UBE2F: variants seen among roughly 807,000 people sequenced by gnomAD.
UBE2F encodes the protein ubiquitin conjugating enzyme E2 F (putative).
Under a neutral mutation model 29.6 loss-of-function variants are expected in UBE2F, and 5 were observed. That is an observed-to-expected ratio of 0.17 (90% CI 0.09 to 0.36). The LOEUF (loss-of-function observed/expected upper bound fraction) is 0.36. Among genes scored for constraint, UBE2F ranks in the 10% least tolerant of loss-of-function variants. The pLI is 1.00. For synonymous variants in UBE2F, 66 were observed against 81.8 expected (o/e 0.81, Z 1.04); for missense variants, 141 against 228.5 (o/e 0.62, Z 2.47).
Position 237,967,022 on chromosome 2 carries a change from T to C in UBE2F, c.-127T>C. The C allele has an allele frequency of 7.9e-7, 1 of 1,266,534 alleles. No individual in the cohort carries two copies. Among genetic ancestry groups the C allele is most frequent in the Non-Finnish European group, 1.0e-6 (1 of 999,670 alleles). The allele number at this position is 1,266,534 out of a possible 1,614,324, so 78.5% of individuals were successfully genotyped here. A position where few individuals can be genotyped will look rare whatever the true frequency, so the allele number is the denominator to read the frequency against. On this transcript the variant is annotated 5_prime_UTR_variant, in exon 1 of 10. Transcript: ENST00000272930. The surrounding 1 kb of genome is among the most constrained non-coding windows in gnomAD (Gnocchi z 6.3). The stretch of plus-strand genomic sequence containing the variant: ...CGAGTCCCCGCCCCGCCACTTCCGG[T>C]CCCGCCGCCGGGAGCCGGTGCGGCT...
At chr2:238,041,223 G>A (rs2064831827) in intron 9 of UBE2F, 65 bp from the exon 10 acceptor site, 13 of 1,470,576 alleles carry the variant, frequency 8.8e-6, no homozygotes, top group Admixed American at 1.7e-5. Flanking sequence ...TCCCTGAAGC[G>A]CTGCTTCACT....
At chr2:238,021,207 G>GA (rs1214286058) in intron 5 of UBE2F, among the ~76,000 whole-genome samples, 1 of 152,178 alleles carries the variant, frequency 6.6e-6, no homozygotes, top group African/African-American at 2.4e-5. Flanking sequence ...CAGATAACAT[G>GA]ACCATGGCCA....
chr2:238,033,324 G>C (rs909161242), intron 8 of UBE2F, among the ~76,000 whole-genome samples: 1 of 152,182 alleles, frequency 6.6e-6, no homozygotes, highest in Non-Finnish European at 1.5e-5. Flanking sequence ...GATATTATAC[G>C]TTCCTTTGAA....
In UBE2F at chr2:237,967,178, C is replaced by G. The variant is rs1213383088; in HGVS notation, c.-17+46C>G. 2.6e-6 allele frequency: 3 copies of G among 1,138,886 alleles called. No individual in the cohort carries two copies. In the East Asian group the frequency reaches 1.3e-4, roughly 49 times the overall value. The allele number at this position is 1,138,886 out of a possible 1,614,324, so 70.5% of individuals were successfully genotyped here. A position where few individuals can be genotyped will look rare whatever the true frequency, so the allele number is the denominator to read the frequency against. ...TCTGCGGCGGGGCGAGGTGCGGCCG[C>G]CGGTGCACGGGCTGGCCTGCGGGCC... On this transcript the variant is annotated intron_variant, in intron 1 of 9. Coordinates refer to ENST00000272930, the MANE Select transcript of UBE2F (RefSeq NM_080678.3). This position sits in a 1 kb window ranked among gnomAD's most constrained non-coding sequence, Gnocchi z 6.3.
At chr2:237,992,446 C>T (rs543762402) in intron 3 of UBE2F, among the ~76,000 whole-genome samples, 1 of 152,324 alleles carries the variant, frequency 6.6e-6, no homozygotes, top group Admixed American at 6.5e-5. Flanking sequence ...AAGTCTTGAA[C>T]TCTTTGGCTC....
intron 4 of UBE2F, among the ~76,000 whole-genome samples, chr2:237,998,155 C>T (rs1181744483): frequency 2.0e-5 from 3 of 152,082 alleles, no homozygotes; most frequent in African/African-American, 7.2e-5. Context: ...ATCAGTTTTA[C>T]TGAGGTATAA....
At chr2:238,018,551 GTTCAGTGGGTTATTTAT>G (rs957361026) in intron 5 of UBE2F, among the ~76,000 whole-genome samples, 2 of 152,086 alleles carry the variant, frequency 1.3e-5, no homozygotes, top group African/African-American at 4.8e-5. Flanking sequence ...TCTTCTGATG[GTTCAGTGGGTTATTTAT>G]TTATTTATTT....
chr2:237,999,910 C>T (rs1444665434), intron 4 of UBE2F, among the ~76,000 whole-genome samples: 1 of 151,736 alleles, frequency 6.6e-6, no homozygotes, highest in Non-Finnish European at 1.5e-5. Context: ...CTGCAACCTC[C>T]ACCTCCCAGG....
chr2:238,007,363 C>G (rs538384221), intron 4 of UBE2F, among the ~76,000 whole-genome samples: 20 of 152,118 alleles, frequency 1.3e-4, no homozygotes, highest in Non-Finnish European at 2.6e-4. Flanking sequence ...CTCAGGTAAT[C>G]TGCCCACCTT....
intron 2 of UBE2F, chr2:237,986,218 C>T (rs760315411): frequency 2.2e-5 from 7 of 321,874 alleles, no homozygotes; most frequent in East Asian, 1.1e-4. Context: ...GGTGTGGTCC[C>T]GGCTTACTGC....
intron 4 of UBE2F, chr2:238,003,342 A>T (rs774417925): frequency 1.5e-5 from 7 of 470,730 alleles, no homozygotes; most frequent in Admixed American, 7.0e-5. Flanking sequence ...GAAAACATTG[A>T]CTGCTCTCTC....
In UBE2F at chr2:237,967,956, A is replaced by C. The variant is rs1271182273; in HGVS notation, c.-17+824A>C. Among the ~76,000 whole-genome samples, 6 of 152,154 alleles carry C rather than the reference A, an allele frequency of 3.9e-5. No individual in the cohort carries two copies. Among genetic ancestry groups the C allele is most frequent in the African/African-American group, 9.7e-5 (4 of 41,426 alleles). On this transcript the variant is annotated intron_variant, in intron 1 of 9. Transcript: ENST00000272930. The surrounding 1 kb of genome is among the most constrained non-coding windows in gnomAD (Gnocchi z 6.3). ...GGAAGTGGGGGCAGGATGGGTTGGA[A>C]TAGCCAGAGAAAGCTTCTTGGAGGA...
chr2:237,977,972 A>T (rs909119479), intron 2 of UBE2F, among the ~76,000 whole-genome samples: 2 of 151,988 alleles, frequency 1.3e-5, no homozygotes, highest in Non-Finnish European at 2.9e-5. Flanking sequence ...TTGGGACAAT[A>T]CCTGTGGGGT....
At chr2:238,010,124 A>G (rs1375058987) in intron 4 of UBE2F, among the ~76,000 whole-genome samples, 1 of 151,914 alleles carries the variant, frequency 6.6e-6, no homozygotes, top group Non-Finnish European at 1.5e-5. Flanking sequence ...TCATTTTTTT[A>G]TACTCTTCTG....
chr2:238,005,679 T>TA (rs1425158917), intron 4 of UBE2F, among the ~76,000 whole-genome samples: 2 of 152,116 alleles, frequency 1.3e-5, no homozygotes, highest in Non-Finnish European at 2.9e-5. Context: ...CCCATTGACT[T>TA]ACCTTGGCAC....
intron 4 of UBE2F, among the ~76,000 whole-genome samples, chr2:238,002,468 C>T (rs184745135): frequency 1.3e-5 from 2 of 151,978 alleles, no homozygotes; most frequent in African/African-American, 4.8e-5. Context: ...ACCTCCTGAC[C>T]TCTGGTGATC....
chr2:238,037,910 G>A (rs2064753596), intron 9 of UBE2F, among the ~76,000 whole-genome samples: 1 of 152,318 alleles, frequency 6.6e-6, no homozygotes, highest in East Asian at 1.9e-4. Context: ...TTTGAACACA[G>A]TTCTAAAACC....
intron 1 of UBE2F, among the ~76,000 whole-genome samples, chr2:237,970,174 G>T (rs547005238): frequency 6.6e-6 from 1 of 152,094 alleles, no homozygotes; most frequent in Non-Finnish European, 1.5e-5. Flanking sequence ...AGACCAGCCC[G>T]GGTAACATGG....
intron 4 of UBE2F, among the ~76,000 whole-genome samples, chr2:238,005,943 A>G (rs1276181790): frequency 6.6e-6 from 1 of 152,206 alleles, no homozygotes; most frequent in Non-Finnish European, 1.5e-5. Context: ...AAATTCGGCA[A>G]AAAACTTGCT....
Sources: gnomAD v4.1 joint callset for allele counts (sites outside exome capture counted in the v4.1 genomes callset) on GRCh38, gnomAD v4.1.1 for gene constraint, Gnocchi (gnomAD v3.1) non-coding constraint, MANE v1.5 for transcripts, NCBI Gene and HGNC (gene_info 2026-07-23, HGNC 2026-07-21) for gene names.